DLC1: variants seen among roughly 807,000 people sequenced by gnomAD.
DLC1 encodes the protein DLC1 Rho GTPase activating protein, also known as rho GTPase-activating protein 7.
DLC1 carries 54 observed loss-of-function variants against 140.3 expected under a neutral mutation model. The observed-to-expected ratio is 0.38, with a 90% confidence interval of 0.31 to 0.48. The LOEUF (loss-of-function observed/expected upper bound fraction) is 0.48. Among genes scored for constraint, DLC1 ranks in the 20% least tolerant of loss-of-function variants. DLC1 has a pLI of 0.96. For synonymous variants in DLC1, 986 were observed against 728.1 expected (o/e 1.35, Z -5.70); for missense variants, 2,536 against 1,907.0 (o/e 1.33, Z -6.14).
chr8:13,478,228 A>G (rs1267260791), intron 2 of DLC1, among the ~76,000 whole-genome samples: 3 of 151,468 alleles, frequency 2.0e-5, no homozygotes, highest in South Asian at 2.1e-4. Context: ...CAGGCACATC[A>G]CATGATGAAA....
At chr8:13,563,744 G>A (rs1804327655) in intron 1 of DLC1, among the ~76,000 whole-genome samples, 1 of 152,164 alleles carries the variant, frequency 6.6e-6, no homozygotes, top group African/African-American at 2.4e-5. Context: ...AGAAATGTAT[G>A]TAAAGATTTA....
intron 4 of DLC1, among the ~76,000 whole-genome samples, chr8:13,383,002 C>G (rs1836344041): frequency 6.6e-6 from 1 of 152,092 alleles, no homozygotes; most frequent in South Asian, 2.1e-4. Flanking sequence ...GCAGAAACAC[C>G]TATAGCTTGG....
rs193206379 is a variant in DLC1, at chr8:13,088,699, G to A, written c.4080C>T (p.Ser1360=). The change falls in exon 16 of 18, where the codon AGC becomes AGT. Residue 1360 remains serine, a synonymous_variant. Coordinates refer to ENST00000276297, the MANE Select transcript of DLC1 (RefSeq NM_182643.3). ...EQAELSYKKV[S]EGPPLRLWRS... is the part of the protein sequence containing the mutation. ...TCCAAAGCCTCAGAGGGGGTCCTTC[G>A]CTCACCTGGAAAGAGGATGTATTTT... 1.5e-4 allele frequency: 238 copies of A among 1,613,878 alleles called. 1 individual carries two copies. In the East Asian group the frequency reaches 3.6e-3, roughly 24 times the overall value.
At chr8:13,599,481 A>G (rs934045883) in intron 1 of DLC1, among the ~76,000 whole-genome samples, 5 of 152,130 alleles carry the variant, frequency 3.3e-5, no homozygotes, top group Admixed American at 3.3e-4. Flanking sequence ...AATATTCCAG[A>G]TGAATAAAAA....
intron 5 of DLC1, among the ~76,000 whole-genome samples, chr8:13,220,844 A>G (rs1220165912): frequency 6.6e-6 from 1 of 152,210 alleles, no homozygotes; most frequent in Non-Finnish European, 1.5e-5. Context: ...TCAACTGTTC[A>G]CATGGAGATC....
At chr8:13,120,256 T>A (rs1174385008) in intron 5 of DLC1, among the ~76,000 whole-genome samples, 1 of 147,594 alleles carries the variant, frequency 6.8e-6, no homozygotes, top group African/African-American at 2.5e-5. Context: ...GGCAGGAGAA[T>A]GGCGTGAACC....
upstream of DLC1, among the ~76,000 whole-genome samples, chr8:13,516,874 G>T (rs1802605611): frequency 6.6e-6 from 1 of 152,088 alleles, no homozygotes; most frequent in African/African-American, 2.4e-5. Flanking sequence ...ACAGTCAAAT[G>T]ATACAAAGTG....
At chr8:13,402,593 T>C (rs900823015) in intron 2 of DLC1, among the ~76,000 whole-genome samples, 2 of 152,228 alleles carry the variant, frequency 1.3e-5, no homozygotes, top group Non-Finnish European at 2.9e-5. Context: ...ATCTGTCTGA[T>C]TGTATTGATC....
At chr8:13,403,389 C>A (rs543572583) in intron 2 of DLC1, among the ~76,000 whole-genome samples, 1 of 152,264 alleles carries the variant, frequency 6.6e-6, no homozygotes, top group African/African-American at 2.4e-5. Context: ...GGTTAATTCC[C>A]TTCTGAATAT....
At chr8:13,237,786 G>T (rs569050900) in intron 5 of DLC1, among the ~76,000 whole-genome samples, 3 of 152,020 alleles carry the variant, frequency 2.0e-5, no homozygotes, top group African/African-American at 4.8e-5. Context: ...TGACCACACT[G>T]TGGAAATGTT....
chr8:13,537,812 C>T (rs1400143156), intron 1 of DLC1, among the ~76,000 whole-genome samples: 1 of 151,972 alleles, frequency 6.6e-6, no homozygotes, highest in Non-Finnish European at 1.5e-5. Context: ...CGCCACCATG[C>T]CCGCCTAATT....
chr8:13,101,890 G>C (rs367859059), intron 8 of DLC1, among the ~76,000 whole-genome samples: 3 of 152,262 alleles, frequency 2.0e-5, no homozygotes, highest in African/African-American at 7.2e-5. Flanking sequence ...GGATATCAAA[G>C]GGCACAATTC....
intron 5 of DLC1, among the ~76,000 whole-genome samples, chr8:13,127,166 G>A (rs975874889): frequency 6.6e-5 from 10 of 152,218 alleles, no homozygotes; most frequent in African/African-American, 2.4e-4. Context: ...CACCAGTATT[G>A]CTTGGGACAC....
chr8:13,228,214 T>C lies in DLC1; in HGVS notation c.1348+77055A>G, dbSNP rs1024214230. Among the ~76,000 whole-genome samples, 6 of 152,066 alleles carry C rather than the reference T, an allele frequency of 3.9e-5. No individual in the cohort carries two copies. The East Asian group carries it at 9.6e-4, about 24-fold the overall frequency. On this transcript the variant is annotated intron_variant, in intron 5 of 17. Transcript: ENST00000276297. ...GGATTTTTTGGGGGGATTTTGTATA[T>C]TTAGCAAACAGATGGTTCTGAAATA...
chr8:13,394,730 C>G (rs948078811), intron 3 of DLC1, among the ~76,000 whole-genome samples: 1 of 152,156 alleles, frequency 6.6e-6, no homozygotes, highest in African/African-American at 2.4e-5. Context: ...TTAGCTTTGC[C>G]ATTCTCTTGT....
chr8:13,296,637 A>G (rs986307923), intron 5 of DLC1, among the ~76,000 whole-genome samples: 4 of 152,180 alleles, frequency 2.6e-5, no homozygotes, highest in African/African-American at 9.6e-5. Context: ...AGATTGATTC[A>G]AAACTATTTC....
At chr8:13,422,538 G>A (rs540416886) in intron 2 of DLC1, among the ~76,000 whole-genome samples, 4 of 152,164 alleles carry the variant, frequency 2.6e-5, no homozygotes, top group East Asian at 3.9e-4. Context: ...AACTCTGCAC[G>A]TTTACTGCAT....
At chr8:13,530,788 T>C (rs1360342110) in intron 1 of DLC1, among the ~76,000 whole-genome samples, 2 of 152,210 alleles carry the variant, frequency 1.3e-5, no homozygotes, top group Admixed American at 1.3e-4. Context: ...AAAATCTAGC[T>C]ACAAATCCAA....
chr8:13,277,077 T>C (rs912049168), intron 5 of DLC1, among the ~76,000 whole-genome samples: 3 of 152,070 alleles, frequency 2.0e-5, no homozygotes, highest in Admixed American at 2.0e-4. Context: ...TCCCAGCACC[T>C]GGAAAGGCTG....
Sources: gnomAD v4.1 joint callset for allele counts (sites outside exome capture counted in the v4.1 genomes callset) on GRCh38, gnomAD v4.1.1 for gene constraint, MANE v1.5 for transcripts, NCBI Gene and HGNC (gene_info 2026-07-23, HGNC 2026-07-21) for gene names.